The following PNLIPRP1 variants were observed in gnomAD, a reference collection of about 807,000 sequenced individuals.
PNLIPRP1 encodes the protein pancreatic lipase related protein 1, also known as inactive pancreatic lipase-related protein 1.
In PNLIPRP1, 57 loss-of-function variants were observed where a neutral mutation model predicts 54.6. That is an observed-to-expected ratio of 1.04 (90% CI 0.84 to 1.30). The LOEUF is 1.30. PNLIPRP1 is among the 50% of genes most tolerant of loss of function. PNLIPRP1 has a pLI of 0.00. For synonymous variants in PNLIPRP1, 232 were observed against 208.8 expected (o/e 1.11, Z -0.96); for missense variants, 567 against 568.5 (o/e 1.00, Z 0.03).
chr10:116,607,244 C>G (rs781784663), intron 12 of PNLIPRP1, among the ~76,000 whole-genome samples: 1 of 151,568 alleles, frequency 6.6e-6, no homozygotes, highest in Non-Finnish European at 1.5e-5. Context: ...TATTAAGTAC[C>G]TTTGGTAAAT....
Position 116,606,712 on chromosome 10 carries a change from C to T in PNLIPRP1, c.1340+1159C>T, listed in dbSNP as rs1445373176. On this transcript the variant is annotated intron_variant, in intron 12 of 12. Transcript: ENST00000358834. ...CAAATCAGCCAGGGCATTGCATCTT[C>T]CAGGTTTTCTGAGGAAAGGCTGAGG... is the stretch of plus-strand genomic sequence containing the variant. Among the ~76,000 whole-genome samples the T allele has an allele frequency of 2.6e-5, 4 of 152,270 alleles. No individual in the cohort carries two copies. In the East Asian group the frequency reaches 5.8e-4, roughly 22 times the overall value.
chr10:116,602,440 A>T (rs1554864935), intron 10 of PNLIPRP1, among the ~76,000 whole-genome samples: 1 of 152,238 alleles, frequency 6.6e-6, no homozygotes, highest in Admixed American at 6.5e-5. Context: ...CCAGGTATTC[A>T]TTCCTCAATC....
Position 116,601,128 on chromosome 10 carries a change from T to C in PNLIPRP1, c.990T>C (p.Asp330=), listed in dbSNP as rs145059825. Residue 330 remains aspartate (D), a synonymous_variant, in exon 10 of 13, where the codon GAT becomes GAC. Transcript: ENST00000358834. The part of the protein sequence containing the change: ...QGCPQMGHYA[D]KFAGRTSEEQ... ...GCCCACAGATGGGTCACTATGCTGATAAATTTGCTGGCAGGACAAGTGAAG... is the reference window on the plus strand; with the variant it reads ...GCCCACAGATGGGTCACTATGCTGACAAATTTGCTGGCAGGACAAGTGAAG... 44 of 1,613,988 alleles carry C rather than the reference T, an allele frequency of 2.7e-5. No individual in the cohort carries two copies. Among genetic ancestry groups the C allele is most frequent in the Non-Finnish European group, 3.2e-5 (38 of 1,179,994 alleles).
chr10:116,594,648 A>T, intron 4 of PNLIPRP1, 82 bp from the exon 5 acceptor site: 1 of 1,468,146 alleles, frequency 6.8e-7, no homozygotes, highest in Non-Finnish European at 9.5e-7. Context: ...AGAAGAGAGA[A>T]GTGGCCATTT....
At chr10:116,605,606 T>C (rs1847924036) in intron 12 of PNLIPRP1, 53 bp downstream of exon 12, 1 of 1,335,372 alleles carries the variant, frequency 7.5e-7, no homozygotes, top group Non-Finnish European at 1.0e-6. Context: ...ATTCATGTTA[T>C]AATGAAAACC....
rs200174051 is a variant in PNLIPRP1, at chr10:116,596,232, C to A, written c.484C>A (p.Pro162Thr). 16 of 1,612,480 alleles carry A rather than the reference C, an allele frequency of 9.9e-6. No homozygotes were observed. The highest frequency in any genetic ancestry group is 1.7e-4 in the Middle Eastern group (1 of 6,054). Residue 162 changes from proline to threonine, a missense_variant, in exon 6 of 13, where the codon CCT (proline) becomes ACT (threonine). Physicochemically the swap from Pro to Thr is conservative, Grantham distance 38. Transcript: ENST00000358834. Reference protein sequence around the residue: ...DILLTEYSYPPSKVHLIGHSL... With the variant: ...DILLTEYSYPTSKVHLIGHSL... ...TCTCCAGACAGAGTATAGCTACCCC[C>A]CTTCCAAAGTTCACCTCATTGGCCA...
intron 4 of PNLIPRP1, 128 bp from the exon 5 acceptor site, chr10:116,594,602 C>A: frequency 2.0e-6 from 2 of 1,010,456 alleles, no homozygotes; most frequent in Non-Finnish European, 3.0e-6. Flanking sequence ...ACAGGATTCC[C>A]TAACAGAGTC....
chr10:116,599,465 A>G (rs990539136), intron 8 of PNLIPRP1, among the ~76,000 whole-genome samples: 2 of 152,126 alleles, frequency 1.3e-5, no homozygotes, highest in Non-Finnish European at 2.9e-5. Flanking sequence ...GGGAGCCCAG[A>G]AAGGTTGCAA....
rs1337820555 is a variant in PNLIPRP1, at chr10:116,592,402, T to C, written c.205-14T>C. On this transcript the variant is annotated splice_polypyrimidine_tract_variant and intron_variant, in intron 3 of 12. Coordinates refer to ENST00000358834, the MANE Select transcript of PNLIPRP1 (RefSeq NM_006229.4). ...GGGCTGCGAAAACATGAAGCACTTC[T>C]GCGTCTGTCACAGATTCTCCTCCTC... The C allele has an allele frequency of 7.5e-6, 12 of 1,589,870 alleles. No individual in the cohort carries two copies. Among genetic ancestry groups the C allele is most frequent in the Non-Finnish European group, 9.4e-6 (11 of 1,165,712 alleles).
At chr10:116,596,393 C>G (rs1589571409) in intron 6 of PNLIPRP1, 71 bp downstream of exon 6, 2 of 854,554 alleles carry the variant, frequency 2.3e-6, no homozygotes. Flanking sequence ...GAATGCAGCC[C>G]AGTTCAGAGC....
In PNLIPRP1 at chr10:116,594,701, C is replaced by A. The variant is rs781866720; in HGVS notation, c.331-29C>A. On this transcript the variant is annotated intron_variant, in intron 4 of 12. Coordinates refer to ENST00000358834, the MANE Select transcript of PNLIPRP1 (RefSeq NM_006229.4). ...AAGGTTTCCCCTGCTCCCATTATCT[C>A]CCCAACCCCACTATCTCCCCAACAC... 6 of 1,613,606 alleles carry A rather than the reference C, an allele frequency of 3.7e-6. No individual in the cohort carries two copies. In the South Asian group the frequency reaches 6.6e-5, roughly 18 times the overall value.
At position 116,601,199 on chromosome 10, in the gene PNLIPRP1, C is replaced by T; in HGVS notation, c.1061C>T (p.Ala354Val). 6.2e-7 allele frequency: 1 copy of T among 1,611,918 alleles called. No individual in the cohort carries two copies. The highest frequency in any genetic ancestry group is 1.3e-5 in the African/African-American group (1 of 74,910). The change falls in exon 10 of 13, where the codon GCT (alanine) becomes GTT (valine). Residue 354 changes from alanine (A) to valine (V), a missense_variant and splice_region_variant. Coordinates refer to ENST00000358834, the MANE Select transcript of PNLIPRP1 (RefSeq NM_006229.4). ...AACACAGGAGAGGCTAGCAATTTCG[C>T]TCGTAAGTTGCACTTTGACTACCTG... ...FLNTGEASNF[A>V]RWRYGVSITL...
In PNLIPRP1 at chr10:116,594,711, A is replaced by G. The variant is rs1847702993; in HGVS notation, c.331-19A>G. 3 of 1,613,678 alleles carry G rather than the reference A, an allele frequency of 1.9e-6. No homozygotes were observed. Among genetic ancestry groups the G allele is most frequent in the Non-Finnish European group, 2.5e-6 (3 of 1,179,854 alleles). ...CTGCTCCCATTATCTCCCCAACCCC[A>G]CTATCTCCCCAACACCAGAAACTGT... On this transcript the variant is annotated intron_variant, in intron 4 of 12. Coordinates refer to ENST00000358834, the MANE Select transcript of PNLIPRP1 (RefSeq NM_006229.4).
intron 8 of PNLIPRP1, 44 bp from the exon 9 acceptor site, chr10:116,600,003 A>T: frequency 8.0e-7 from 1 of 1,248,394 alleles, no homozygotes; most frequent in Non-Finnish European, 1.2e-6. Context: ...AAGCTGTTAC[A>T]GGCCCCCAAC....
intron 4 of PNLIPRP1, chr10:116,594,526 A>T (rs1233898241): frequency 1.6e-6 from 1 of 625,762 alleles, no homozygotes; most frequent in Non-Finnish European, 2.8e-6. Flanking sequence ...TTAATCTGCA[A>T]GCTGGAGGGG....
chr10:116,605,823 C>A (rs191740690), intron 12 of PNLIPRP1, among the ~76,000 whole-genome samples: 159 of 152,238 alleles, frequency 1.0e-3, no homozygotes, highest in African/African-American at 3.6e-3. Context: ...AGAAAGAGAA[C>A]AAGAAATCCT....
chr10:116,603,090 T>C (rs1241289669), intron 10 of PNLIPRP1, among the ~76,000 whole-genome samples: 1 of 152,228 alleles, frequency 6.6e-6, no homozygotes, highest in Non-Finnish European at 1.5e-5. Flanking sequence ...TTTGTGTATA[T>C]GTATTTGTAT....
chr10:116,607,172 T>C (rs76844850), intron 12 of PNLIPRP1, among the ~76,000 whole-genome samples: 2,809 of 152,220 alleles, frequency 0.018, 38 homozygotes, highest in Non-Finnish European at 0.03. Flanking sequence ...TTCCCTCCAA[T>C]GACACAGTAT....
intron 3 of PNLIPRP1, 113 bp downstream of exon 3, chr10:116,592,038 C>T: frequency 8.5e-7 from 1 of 1,177,084 alleles, no homozygotes. Flanking sequence ...CCCACCCCAT[C>T]CCTCAAGCTG....
Sources: gnomAD v4.1 joint callset for allele counts (sites outside exome capture counted in the v4.1 genomes callset) on GRCh38, gnomAD v4.1.1 for gene constraint, MANE v1.5 for transcripts, NCBI Gene and HGNC (gene_info 2026-07-23, HGNC 2026-07-21) for gene names.